The following SDK1 variants were observed in gnomAD, a reference collection of about 807,000 sequenced individuals.
The protein encoded by SDK1 is sidekick cell adhesion molecule 1.
SDK1 carries 157 observed loss-of-function variants against 245.5 expected under a neutral mutation model. The observed-to-expected ratio is 0.64, with a 90% CI of 0.56 to 0.73. The LOEUF (loss-of-function observed/expected upper bound fraction) is 0.73. Among genes scored for constraint, SDK1 ranks in the 30% least tolerant of loss-of-function variants. The pLI is 0.00. For synonymous variants in SDK1, 1,647 were observed against 1,278.5 expected (o/e 1.29, Z -6.15); for missense variants, 3,583 against 3,002.3 (o/e 1.19, Z -4.52).
chr7:3,480,644 C>G (rs191629064), intron 1 of SDK1, among the ~76,000 whole-genome samples: 4 of 152,350 alleles, frequency 2.6e-5, no homozygotes, highest in Admixed American at 1.3e-4. Flanking sequence ...TTGTCTCAGC[C>G]TGTTTGGATA....
At chr7:3,899,362 G>C (rs1481191863) in intron 5 of SDK1, among the ~76,000 whole-genome samples, 1 of 152,126 alleles carries the variant, frequency 6.6e-6, no homozygotes, top group Non-Finnish European at 1.5e-5. Context: ...AAGTCTGTTT[G>C]AGAGCAGAAC....
intron 4 of SDK1, among the ~76,000 whole-genome samples, chr7:3,689,185 C>G (rs1003055414): frequency 3.9e-5 from 6 of 152,136 alleles, no homozygotes; most frequent in Non-Finnish European, 7.3e-5. Context: ...ATGCTTGCCA[C>G]CCTCTTTCCT....
intron 1 of SDK1, among the ~76,000 whole-genome samples, chr7:3,392,576 T>C (rs1259460602): frequency 6.6e-6 from 1 of 152,198 alleles, no homozygotes; most frequent in Non-Finnish European, 1.5e-5. Context: ...CTTTGTCATT[T>C]CAAACAGAAA....
intron 4 of SDK1, among the ~76,000 whole-genome samples, chr7:3,779,938 C>CAAA (rs34979965): frequency 1.7e-3 from 77 of 46,248 alleles, no homozygotes; most frequent in East Asian, 9.3e-3. Flanking sequence ...GACTCCGTCT[C>CAAA]AAAAAAAAAA....
At chr7:3,654,325 G>A (rs1180798918) in intron 4 of SDK1, among the ~76,000 whole-genome samples, 1 of 152,180 alleles carries the variant, frequency 6.6e-6, no homozygotes, top group Non-Finnish European at 1.5e-5. Flanking sequence ...TGAGTAAGAA[G>A]ATGGAAAGCG....
chr7:3,718,803 AG>A (rs1161867203), intron 4 of SDK1, among the ~76,000 whole-genome samples: 1 of 152,110 alleles, frequency 6.6e-6, no homozygotes, highest in African/African-American at 2.4e-5. Flanking sequence ...GGAAAAAAAA[AG>A]GCATCCAAGT....
chr7:3,492,171 T>G (rs890047832), intron 1 of SDK1, among the ~76,000 whole-genome samples: 1 of 152,246 alleles, frequency 6.6e-6, no homozygotes, highest in African/African-American at 2.4e-5. Flanking sequence ...TTTTAAAATC[T>G]AGAGCATTTT....
intron 1 of SDK1, among the ~76,000 whole-genome samples, chr7:3,316,066 C>T (rs541817647): frequency 5.9e-5 from 9 of 152,220 alleles, no homozygotes; most frequent in South Asian, 4.2e-4. Context: ...TCAATTCATA[C>T]ATTCAAGTTA....
intron 4 of SDK1, among the ~76,000 whole-genome samples, chr7:3,689,201 C>T (rs1457881916): frequency 1.3e-5 from 2 of 152,134 alleles, no homozygotes; most frequent in African/African-American, 2.4e-5. Context: ...TTCCTAAGAA[C>T]GTTATGATAA....
intron 1 of SDK1, among the ~76,000 whole-genome samples, chr7:3,400,957 G>C (rs1778873024): frequency 6.6e-6 from 1 of 152,076 alleles, no homozygotes; most frequent in Admixed American, 6.6e-5. Context: ...TCCAGTGTCA[G>C]GACAGGACAG....
intron 5 of SDK1, among the ~76,000 whole-genome samples, chr7:3,849,295 A>G (rs1259671167): frequency 6.6e-6 from 1 of 151,316 alleles, no homozygotes; most frequent in Non-Finnish European, 1.5e-5. Flanking sequence ...TATCTTCACC[A>G]CTCAGCGTTG....
intron 1 of SDK1, among the ~76,000 whole-genome samples, chr7:3,607,151 CTTT>C (rs555087966): frequency 6.9e-6 from 1 of 145,494 alleles, no homozygotes; most frequent in African/African-American, 2.5e-5. Flanking sequence ...AAGGAAGGCC[CTTT>C]TTTTTTTTAG....
intron 5 of SDK1, among the ~76,000 whole-genome samples, chr7:3,845,043 G>A (rs1780242433): frequency 6.6e-6 from 1 of 152,222 alleles, no homozygotes. Context: ...CTGGAGCAGA[G>A]AGGCAAAGTG....
rs774269625 is a variant in SDK1 at position 3,962,850 on chromosome 7, C to G, written c.1428C>G (p.Thr476=). The change falls in exon 9 of 45, where the codon ACC becomes ACG. Residue 476 remains threonine (T), a splice_region_variant and synonymous_variant. Coordinates refer to ENST00000404826, the MANE Select transcript of SDK1 (RefSeq NM_152744.4). ...EIQTHTYLDV[T]NIAPVFTQRP... ...AGACCCACACCTACCTGGATGTAAC[C>G]AGTGAGTACACCCAGGCCCACAGCT... 1 of 1,610,000 alleles carries G rather than the reference C, an allele frequency of 6.2e-7. No homozygotes were observed. The highest frequency in any genetic ancestry group is 1.1e-5 in the South Asian group (1 of 90,484).
intron 1 of SDK1, among the ~76,000 whole-genome samples, chr7:3,544,450 G>A (rs140191489): frequency 1.3e-5 from 2 of 152,334 alleles, no homozygotes; most frequent in African/African-American, 4.8e-5. Flanking sequence ...TCCCGGCCAT[G>A]CCCAAATGAG....
At chr7:3,699,597 A>G (rs1288081922) in intron 4 of SDK1, among the ~76,000 whole-genome samples, 1 of 152,196 alleles carries the variant, frequency 6.6e-6, no homozygotes, top group Non-Finnish European at 1.5e-5. Flanking sequence ...TGAACAACAG[A>G]GAAAACAGAC....
intron 1 of SDK1, among the ~76,000 whole-genome samples, chr7:3,440,627 C>CCAA (rs1780167788): frequency 6.6e-6 from 1 of 151,900 alleles, no homozygotes; most frequent in Admixed American, 6.6e-5. Flanking sequence ...TTAGGATGTG[C>CCAA]CAGAGAGAAG....
chr7:3,828,698 C>T (rs1283161091), intron 5 of SDK1, among the ~76,000 whole-genome samples: 1 of 124,812 alleles, frequency 8.0e-6, no homozygotes, highest in Non-Finnish European at 1.6e-5. Context: ...GTCACATGGA[C>T]TGGAGTGCAG....
At chr7:3,418,282 A>G (rs192381185) in intron 1 of SDK1, among the ~76,000 whole-genome samples, 2 of 152,060 alleles carry the variant, frequency 1.3e-5, no homozygotes, top group African/African-American at 2.4e-5. Context: ...GCGCCATTGC[A>G]CTCCAGCCTG....
Sources: gnomAD v4.1 joint callset for allele counts (sites outside exome capture counted in the v4.1 genomes callset) on GRCh38, gnomAD v4.1.1 for gene constraint, MANE v1.5 for transcripts, NCBI Gene and HGNC (gene_info 2026-07-23, HGNC 2026-07-21) for gene names.